Variants in SCN1A observed in about 807,000 individuals in gnomAD.
SCN1A encodes sodium channel protein type 1 subunit alpha.
Under a neutral mutation model 193.7 loss-of-function variants are expected in SCN1A, and 13 were observed. That is an observed-to-expected ratio of 0.07 (90% CI 0.04 to 0.11). The LOEUF is 0.11. SCN1A is among the 10% of genes least tolerant of loss of function. SCN1A has a pLI of 1.00. For synonymous variants in SCN1A, 781 were observed against 843.6 expected (o/e 0.93, Z 1.29); for missense variants, 1,432 against 2,451.1 (o/e 0.58, Z 8.78).
At position 166,056,563 on chromosome 2, in the gene SCN1A, C is replaced by G. The variant is rs1011061292; in HGVS notation, c.384-63G>C. On this transcript the variant is annotated intron_variant, in intron 5 of 28. Coordinates refer to ENST00000674923, the MANE Select transcript of SCN1A (RefSeq NM_001165963.4). ...AATCCAAGTGTTATATTACAAAAAG[C>G]TAACATTGAAAAGCCCAAACTGCAG... 4.7e-6 allele frequency: 6 copies of G among 1,268,630 alleles called. No individual in the cohort carries two copies. The East Asian group carries it at 1.4e-4, about 29-fold the overall frequency. The allele number at this position is 1,268,630 out of a possible 1,614,324, so 78.6% of individuals were successfully genotyped here.
At chr2:166,112,295 CT>C (rs1318855463) in intron 2 of SCN1A, among the ~76,000 whole-genome samples, 2 of 152,162 alleles carry the variant, frequency 1.3e-5, no homozygotes, top group African/African-American at 4.8e-5. Context: ...CAAAGCGAGA[CT>C]CTCCACCAGC....
chr2:166,122,377 G>A (rs1237575743), intron 2 of SCN1A, among the ~76,000 whole-genome samples: 3 of 152,192 alleles, frequency 2.0e-5, no homozygotes, highest in Admixed American at 6.5e-5. Flanking sequence ...TTTCAGTGGA[G>A]TCACAAATGA....
At chr2:166,105,517 GAA>G (rs762052094) in intron 2 of SCN1A, among the ~76,000 whole-genome samples, 108 of 152,154 alleles carry the variant, frequency 7.1e-4, no homozygotes, top group Non-Finnish European at 1.5e-3. Context: ...TTGACCATAT[GAA>G]AATAGTTTAC....
chr2:166,116,794 C>T (rs895769710), intron 2 of SCN1A, among the ~76,000 whole-genome samples: 1 of 152,034 alleles, frequency 6.6e-6, no homozygotes, highest in Non-Finnish European at 1.5e-5. Flanking sequence ...AAATCACAAG[C>T]ACATCAATTA....
chr2:166,113,096 G>A (rs1398793615), intron 2 of SCN1A, among the ~76,000 whole-genome samples: 1 of 152,134 alleles, frequency 6.6e-6, no homozygotes, highest in Non-Finnish European at 1.5e-5. Context: ...TTGAAGTGGG[G>A]CAGTTTTGTG....
At chr2:166,076,797 CTT>C (rs574507654) in intron 3 of SCN1A, among the ~76,000 whole-genome samples, 1 of 150,704 alleles carries the variant, frequency 6.6e-6, no homozygotes, top group Admixed American at 6.6e-5. Flanking sequence ...AAAAGATAGT[CTT>C]TTCAACATGT....
chr2:166,003,499 A>C (rs1422167037), intron 23 of SCN1A, among the ~76,000 whole-genome samples: 8 of 151,530 alleles, frequency 5.3e-5, no homozygotes, highest in Non-Finnish European at 7.4e-5. Context: ...TGATCACATG[A>C]AGTTCTGTGT....
chr2:166,047,183 G>A (rs999423862), intron 11 of SCN1A, among the ~76,000 whole-genome samples: 6 of 151,696 alleles, frequency 4.0e-5, no homozygotes, highest in African/African-American at 1.5e-4. Context: ...GATTTCTATG[G>A]CAGAATTTTT....
At chr2:166,085,897 G>C (rs1284227991) in intron 2 of SCN1A, among the ~76,000 whole-genome samples, 3 of 152,156 alleles carry the variant, frequency 2.0e-5, no homozygotes, top group South Asian at 4.1e-4. Flanking sequence ...TTTTGGTATA[G>C]AGAAAGCTGA....
In SCN1A at chr2:166,036,061, T is replaced by C; in HGVS notation, c.3416A>G (p.Glu1139Gly). 1 of 1,613,792 alleles carries C rather than the reference T, an allele frequency of 6.2e-7. No individual in the cohort carries two copies. Among genetic ancestry groups the C allele is most frequent in the Non-Finnish European group, 8.5e-7 (1 of 1,179,870 alleles). The stretch of plus-strand genomic sequence containing the variant: ...ATAGAATCTTACCTCTTTGCTTTCT[T>C]CCAGATCCGATTCACTACTAAAGTC... ...TEDFSSESDLEESKEKLNESS... is the reference protein window; with the variant it reads ...TEDFSSESDLGESKEKLNESS... The change falls in exon 19 of 29, where the codon GAA (glutamate) becomes GGA (glycine). Residue 1139 changes from glutamate to glycine, a missense_variant. By Grantham distance (98) the Glu-to-Gly change is moderately conservative. Around this residue, in one of 18 missense-constraint regions of SCN1A, gnomAD observed 198 missense variants for 225.8 expected, o/e 0.88. Coordinates refer to ENST00000674923, the MANE Select transcript of SCN1A (RefSeq NM_001165963.4).
At chr2:166,063,509 G>T (rs998413764) in intron 4 of SCN1A, among the ~76,000 whole-genome samples, 45 of 152,146 alleles carry the variant, frequency 3.0e-4, no homozygotes, top group African/African-American at 9.9e-4. Flanking sequence ...GCAATGCCCT[G>T]TGCTACATTC....
At chr2:166,042,181 CTG>C (rs1211705065) in intron 15 of SCN1A, 109 bp downstream of exon 15, 2 of 1,044,972 alleles carry the variant, frequency 1.9e-6, no homozygotes, top group Non-Finnish European at 2.8e-6. Flanking sequence ...TTGAATTAGA[CTG>C]TCTTTTCATT....
At chr2:166,097,396 T>C (rs1687510251) in intron 2 of SCN1A, among the ~76,000 whole-genome samples, 2 of 152,190 alleles carry the variant, frequency 1.3e-5, no homozygotes, top group Non-Finnish European at 2.9e-5. Context: ...GTTCTAGAAA[T>C]CTCAATGCCT....
chr2:166,087,417 T>A (rs1416276258), intron 2 of SCN1A, among the ~76,000 whole-genome samples: 2 of 152,004 alleles, frequency 1.3e-5, no homozygotes, highest in African/African-American at 4.8e-5. Context: ...GAGGTTGCGG[T>A]GAGCCAAGAG....
At chr2:166,137,873 T>G (rs1691925370) in intron 1 of SCN1A, among the ~76,000 whole-genome samples, 1 of 152,160 alleles carries the variant, frequency 6.6e-6, no homozygotes, top group Non-Finnish European at 1.5e-5. Context: ...AGAGACTTGT[T>G]GAATGGCTTT....
At chr2:166,136,377 C>G (rs1185024903) in intron 1 of SCN1A, among the ~76,000 whole-genome samples, 1 of 152,136 alleles carries the variant, frequency 6.6e-6, no homozygotes, top group African/African-American at 2.4e-5. Flanking sequence ...ATCATTTGCT[C>G]TACTTCACAT....
chr2:166,129,963 A>G (rs1353397636), upstream of SCN1A, among the ~76,000 whole-genome samples: 1 of 152,136 alleles, frequency 6.6e-6, no homozygotes, highest in Non-Finnish European at 1.5e-5. Context: ...TCTGGCAGCT[A>G]TGGAGTCAGC....
At chr2:166,095,249 G>T (rs1687250017) in intron 2 of SCN1A, among the ~76,000 whole-genome samples, 1 of 152,100 alleles carries the variant, frequency 6.6e-6, no homozygotes, top group Middle Eastern at 3.4e-3. Flanking sequence ...TAACCCATAG[G>T]TATGATATAA....
intron 2 of SCN1A, among the ~76,000 whole-genome samples, chr2:166,102,981 G>A (rs941363348): frequency 1.3e-5 from 2 of 151,924 alleles, no homozygotes; most frequent in East Asian, 1.9e-4. Context: ...CACAACTTTT[G>A]TACCTTAAGG....
Sources: allele counts gnomAD v4.1 joint callset (sites outside exome capture counted in the v4.1 genomes callset), GRCh38; gene constraint gnomAD v4.1.1; regional missense constraint gnomAD v4.1.1; transcripts MANE v1.5; gene names NCBI Gene and HGNC (gene_info 2026-07-23, HGNC 2026-07-21).